The following SOCS4 variants were observed in gnomAD, a reference collection of about 807,000 sequenced individuals.
SOCS4 encodes SH2 domain containing SOCS box protein.
A neutral mutation model predicts 34.1 loss-of-function variants in SOCS4; 20 were observed. The ratio of observed to expected loss-of-function variants is 0.59; its 90% CI spans 0.41 to 0.85. The LOEUF (loss-of-function observed/expected upper bound fraction) is 0.85, where lower values mean the gene tolerates loss of function less well. Ranked by LOEUF, SOCS4 falls within the 40% of genes least tolerant of loss-of-function variation. SOCS4 has a pLI of 0.00. For synonymous variants in SOCS4, 180 were observed against 186.4 expected (o/e 0.97, Z 0.28); for missense variants, 479 against 532.4 (o/e 0.90, Z 0.99).
At chr14:55,031,517 C>G (rs1439897109) in intron 1 of SOCS4, among the ~76,000 whole-genome samples, 1 of 152,104 alleles carries the variant, frequency 6.6e-6, no homozygotes, top group Non-Finnish European at 1.5e-5. Flanking sequence ...GACAAGAGAA[C>G]CTTTTTTTCT....
intron 2 of SOCS4, among the ~76,000 whole-genome samples, chr14:55,040,814 A>G (rs1452778212): frequency 1.3e-5 from 2 of 151,984 alleles, no homozygotes; most frequent in African/African-American, 2.4e-5. Context: ...AATATTTTCA[A>G]TCTACAATTG....
chr14:55,035,851 T>C (rs1393339731), intron 2 of SOCS4, among the ~76,000 whole-genome samples: 1 of 148,484 alleles, frequency 6.7e-6, no homozygotes, highest in Non-Finnish European at 1.5e-5. Context: ...TTTTTTTTTT[T>C]CTTCCAGAAA....
At position 55,048,558 on chromosome 14, in the gene SOCS4, C is replaced by T. The variant is rs956631083; in HGVS notation, c.*4194C>T. On this transcript the variant is annotated 3_prime_UTR_variant, in exon 3 of 3. Coordinates refer to ENST00000555846, the MANE Select transcript of SOCS4 (RefSeq NM_199421.2). ...TTTTCTTTTCTTTATTAATGGCCTA[C>T]TAGAAATGAGCAGTGCAAGAGTCTA... 2 of 166,948 alleles carry T rather than the reference C, an allele frequency of 1.2e-5. No individual in the cohort carries two copies. Among genetic ancestry groups the T allele is most frequent in the Non-Finnish European group, 2.9e-5 (2 of 68,114 alleles). The allele number at this position is 166,948 out of a possible 1,614,324, so 10.3% of individuals were successfully genotyped here. A position where few individuals can be genotyped will look rare whatever the true frequency, so the allele number is the denominator to read the frequency against.
rs1258221761 is a variant in SOCS4 at position 55,043,864 on chromosome 14, G to A, written c.823G>A (p.Val275Ile). The A allele has an allele frequency of 6.2e-7, 1 of 1,614,150 alleles. No individual in the cohort carries two copies. The highest frequency in any genetic ancestry group is 1.1e-5 in the South Asian group (1 of 91,084). Residue 275 changes from valine (V) to isoleucine (I), a missense_variant, in exon 3 of 3, where the codon GTA (valine) becomes ATA (isoleucine). Physicochemically the swap from Val to Ile is conservative, Grantham distance 29. Coordinates refer to ENST00000555846, the MANE Select transcript of SOCS4 (RefSeq NM_199421.2). ...HTQIDYVHCL[V>I]PDLLQINNNP... ...GCAGATTGATTATGTCCACTGTCTT[G>A]TACCAGACCTCCTTCAGATCAATAA...
At chr14:55,034,801 C>T (rs1275121046) in intron 2 of SOCS4, among the ~76,000 whole-genome samples, 1 of 148,926 alleles carries the variant, frequency 6.7e-6, no homozygotes, top group African/African-American at 2.5e-5. Flanking sequence ...GCCTGGGCGA[C>T]AGAGTGAGAC....
chr14:55,039,690 G>A (rs954424075), intron 2 of SOCS4, among the ~76,000 whole-genome samples: 10 of 152,258 alleles, frequency 6.6e-5, no homozygotes, highest in Middle Eastern at 3.4e-3. Flanking sequence ...TCAGGAGATC[G>A]AGACCATCCT....
chr14:55,044,104 C>G lies in SOCS4; in HGVS notation c.1063C>G (p.Pro355Ala). The change falls in exon 3 of 3, where the codon CCT (proline) becomes GCT (alanine). Residue 355 changes from proline to alanine, a missense_variant. Coordinates refer to ENST00000555846, the MANE Select transcript of SOCS4 (RefSeq NM_199421.2). Reference sequence around the variant, plus strand: ...ACATGACCCCTGTGTCTTCCATTCTCCTGACATTACTGGGCTCCTAGAACA... The same window carrying G: ...ACATGACCCCTGTGTCTTCCATTCTGCTGACATTACTGGGCTCCTAGAACA... ...DAHDPCVFHS[P>A]DITGLLEHYK... 2 of 1,614,154 alleles carry G rather than the reference C, an allele frequency of 1.2e-6. No individual in the cohort carries two copies. Among genetic ancestry groups the G allele is most frequent in the Non-Finnish European group, 1.7e-6 (2 of 1,180,004 alleles).
At position 55,027,242 on chromosome 14, in the gene SOCS4, G is replaced by A; in HGVS notation, c.-449G>A. 1 of 194,564 alleles carries A rather than the reference G, an allele frequency of 5.1e-6. No homozygotes were observed. The highest frequency in any genetic ancestry group is 1.1e-5 in the Non-Finnish European group (1 of 91,982). The allele number at this position is 194,564 out of a possible 1,614,324, so 12.1% of individuals were successfully genotyped here. ...GGAAGGGAGGGAGCTGAACACGGAA[G>A]TGGTGGCGGCGCCCAGGGAACCGGC... is the stretch of plus-strand genomic sequence containing the variant. On this transcript the variant is annotated 5_prime_UTR_variant, in exon 1 of 3. The change creates a new upstream start codon in the 5' untranslated region. Coordinates refer to ENST00000555846, the MANE Select transcript of SOCS4 (RefSeq NM_199421.2).
chr14:55,029,133 A>T (rs764264577), intron 1 of SOCS4, among the ~76,000 whole-genome samples: 2 of 152,248 alleles, frequency 1.3e-5, no homozygotes, highest in African/African-American at 4.8e-5. Context: ...TACAAATTGT[A>T]ATACCTTCAG....
chr14:55,039,476 C>A (rs2140246653), intron 2 of SOCS4, among the ~76,000 whole-genome samples: 1 of 152,146 alleles, frequency 6.6e-6, no homozygotes, highest in Admixed American at 6.5e-5. Flanking sequence ...ACAGTTACGA[C>A]CAAGAAAGCA....
intron 2 of SOCS4, among the ~76,000 whole-genome samples, chr14:55,041,917 G>T (rs1365867827): frequency 1.4e-5 from 2 of 146,636 alleles, no homozygotes; most frequent in Non-Finnish European, 1.5e-5. Context: ...TCAGCCTCCC[G>T]AGTAGCTGGG....
intron 2 of SOCS4, among the ~76,000 whole-genome samples, chr14:55,039,723 C>G (rs1259779171): frequency 2.0e-5 from 3 of 151,974 alleles, no homozygotes; most frequent in South Asian, 4.2e-4. Context: ...GAAACCTTGT[C>G]TCTACTAAAA....
chr14:55,043,699 A>C lies in SOCS4; in HGVS notation c.658A>C (p.Asn220His), dbSNP rs757592503. The change falls in exon 3 of 3, where the codon AAT (asparagine) becomes CAT (histidine). Residue 220 changes from asparagine to histidine, a missense_variant. By Grantham distance (68) the Asn-to-His change is moderately conservative. Transcript: ENST00000555846. ...MTGSVMNLVS[N>H]NSIEDSDMDS... ...TGGCTCTGTGATGAACCTGGTTTCA[A>C]ATAACAGTATAGAAGATAGTGATAT... The C allele has an allele frequency of 6.2e-7, 1 of 1,614,206 alleles. No homozygotes were observed. The highest frequency in any genetic ancestry group is 1.7e-5 in the Admixed American group (1 of 60,030).
intron 2 of SOCS4, among the ~76,000 whole-genome samples, chr14:55,039,887 C>T (rs2042602805): frequency 6.6e-6 from 1 of 152,096 alleles, no homozygotes; most frequent in South Asian, 2.1e-4. Context: ...CAGAGCAAGA[C>T]TCCGTCTCAA....
Position 55,046,039 on chromosome 14 carries a change from T to C in SOCS4, c.*1675T>C, listed in dbSNP as rs2042673457. The C allele has an allele frequency of 6.0e-6, 1 of 166,366 alleles. No individual in the cohort carries two copies. Among genetic ancestry groups the C allele is most frequent in the Non-Finnish European group, 1.5e-5 (1 of 68,000 alleles). The allele number at this position is 166,366 out of a possible 1,614,324, so 10.3% of individuals were successfully genotyped here. A position where few individuals can be genotyped will look rare whatever the true frequency, so the allele number is the denominator to read the frequency against. ...CCGTTATCTTTTAGCATTTTTTTTT[T>C]CCTCAGTGATCTCAAGATTGTCTTA... On this transcript the variant is annotated 3_prime_UTR_variant, in exon 3 of 3. Coordinates refer to ENST00000555846, the MANE Select transcript of SOCS4 (RefSeq NM_199421.2).
rs1167214036 is a variant in SOCS4 at position 55,046,807 on chromosome 14, T to C, written c.*2443T>C. ...GATACATAAAGACTTGAGAAGGGAATTGTTTAAGGGAAAAGAAAAGAGTAA... is the reference window on the plus strand; with the variant it reads ...GATACATAAAGACTTGAGAAGGGAACTGTTTAAGGGAAAAGAAAAGAGTAA... On this transcript the variant is annotated 3_prime_UTR_variant, in exon 3 of 3. Transcript: ENST00000555846. 6.0e-6 allele frequency: 1 copy of C among 166,964 alleles called. No individual in the cohort carries two copies. Among genetic ancestry groups the C allele is most frequent in the Admixed American group, 6.5e-5 (1 of 15,284 alleles). 10.3% of individuals were successfully genotyped at this position (166,964 alleles called of 1,614,324 possible).
At chr14:55,031,290 T>G (rs546054942) in intron 1 of SOCS4, among the ~76,000 whole-genome samples, 1 of 152,298 alleles carries the variant, frequency 6.6e-6, no homozygotes, top group East Asian at 1.9e-4. Context: ...TAGACCTCTC[T>G]CCTTATCTTT....
chr14:55,035,957 A>G (rs1458044335), intron 2 of SOCS4, among the ~76,000 whole-genome samples: 2 of 152,142 alleles, frequency 1.3e-5, no homozygotes, highest in East Asian at 1.9e-4. Flanking sequence ...CCATATGGCT[A>G]TGATTTAAAG....
intron 2 of SOCS4, among the ~76,000 whole-genome samples, chr14:55,033,017 C>T (rs1488950678): frequency 6.6e-6 from 1 of 152,074 alleles, no homozygotes; most frequent in Admixed American, 6.6e-5. Flanking sequence ...CTCCTGACCT[C>T]GTGATCCACC....
Sources: gnomAD v4.1 joint callset for allele counts (sites outside exome capture counted in the v4.1 genomes callset) on GRCh38, gnomAD v4.1.1 for gene constraint, MANE v1.5 for transcripts, NCBI Gene and HGNC (gene_info 2026-07-23, HGNC 2026-07-21) for gene names.